Variants in PUDP observed in about 807,000 individuals in gnomAD.
The protein encoded by PUDP is pseudouridine 5'-phosphatase.
A neutral mutation model predicts 9.4 loss-of-function variants in PUDP; 8 were observed. That is an observed-to-expected ratio of 0.85 (90% confidence interval 0.50 to 1.53). PUDP has a LOEUF of 1.53. PUDP is among the 40% of genes most tolerant of loss of function. The probability of loss-of-function intolerance (pLI) is 0.00; values close to 1 mark genes in which losing one functional copy is unlikely to be tolerated. For synonymous variants in PUDP, 99 were observed against 80.7 expected, an observed-to-expected ratio of 1.23 and a Z score of -1.22; for missense variants, 188 against 189.7, an observed-to-expected ratio of 0.99 and a Z score of 0.05.
chrX:6,958,745 CAAA>C (rs138391788), intron 3 of PUDP, among the ~76,000 whole-genome samples: 97 of 60,692 alleles, frequency 1.6e-3, no homozygotes, highest in East Asian at 2.8e-3. Context: ...AATGCCATCT[CAAA>C]AAAAAAAAAA....
chrX:6,743,771 G>A (rs947473620), intron 3 of PUDP, among the ~76,000 whole-genome samples: 1 of 111,780 alleles, frequency 8.9e-6, no homozygotes, highest in Admixed American at 9.5e-5. Flanking sequence ...ATGACAGGGC[G>A]CCAGCAAAGC....
At chrX:6,938,682 G>A (rs757147768) in intron 3 of PUDP, among the ~76,000 whole-genome samples, 1 of 107,920 alleles carries the variant, frequency 9.3e-6, no homozygotes, top group Non-Finnish European at 1.9e-5. Context: ...TAAATCTCAC[G>A]AAAGAGAACA....
At chrX:7,128,651 T>C (rs758090733) in intron 1 of PUDP, among the ~76,000 whole-genome samples, 215 of 111,671 alleles carry the variant, frequency 1.9e-3, no homozygotes, top group Non-Finnish European at 3.5e-3. Context: ...AAATAAGAGA[T>C]GGTCAGGGAC....
chrX:6,837,332 G>C (rs956365899), intron 3 of PUDP, among the ~76,000 whole-genome samples: 4 of 112,654 alleles, frequency 3.6e-5, no homozygotes, highest in African/African-American at 1.3e-4. Flanking sequence ...ACAATGAGAA[G>C]GCAGATTTCT....
chrX:6,940,555 GA>G (rs1928384203), intron 3 of PUDP, among the ~76,000 whole-genome samples: 2 of 111,729 alleles, frequency 1.8e-5, no homozygotes, highest in South Asian at 7.6e-4. Context: ...AGCTGTTCTT[GA>G]AGATAGCGAA....
Position 7,147,562 on chromosome X carries a change from CCATCA to C in PUDP, c.61+486_61+490del, listed in dbSNP as rs778513733. Among the ~76,000 whole-genome samples the C allele has an allele frequency of 2.7e-5, 3 of 112,384 alleles. No individual in the cohort carries two copies. In the East Asian group the frequency reaches 8.5e-4, roughly 32 times the overall value. ...AGAACCGCTACCATGCAGGATGCTA[CCATCA>C]AAGTGCGCCCACAGCAGCAACCTTG... is the stretch of plus-strand genomic sequence containing the variant. On this transcript the variant is annotated intron_variant, in intron 1 of 3. Transcript: ENST00000381077.
intron 1 of PUDP, among the ~76,000 whole-genome samples, chrX:7,107,968 G>A (rs1414757606): frequency 1.8e-5 from 2 of 112,480 alleles, no homozygotes; most frequent in Admixed American, 9.3e-5. Flanking sequence ...CTTGTGAGCC[G>A]CTGCAATGGT....
chrX:6,860,461 G>GTT (rs1257246978), intron 3 of PUDP, among the ~76,000 whole-genome samples: 1 of 95,938 alleles, frequency 1.0e-5, no homozygotes, highest in Non-Finnish European at 2.1e-5. Flanking sequence ...TCTGTGTGTG[G>GTT]TTTTTTGTTT....
intron 3 of PUDP, among the ~76,000 whole-genome samples, chrX:6,761,732 G>A (rs980095617): frequency 5.3e-5 from 6 of 112,202 alleles, no homozygotes; most frequent in Admixed American, 3.8e-4. Context: ...CACAGCAGCC[G>A]CATTGCCTTC....
At chrX:6,833,295 G>A (rs1283941629) in intron 3 of PUDP, among the ~76,000 whole-genome samples, 1 of 111,678 alleles carries the variant, frequency 9.0e-6, no homozygotes, top group Non-Finnish European at 1.9e-5. Context: ...GGGATGGATG[G>A]ATGGGATGGA....
chrX:6,979,401 A>G (rs967973773), intron 1 of PUDP, among the ~76,000 whole-genome samples: 3 of 112,081 alleles, frequency 2.7e-5, no homozygotes, highest in Non-Finnish European at 5.6e-5. Context: ...TGCCGATTAT[A>G]GTGTTCTAGA....
chrX:6,807,628 C>T (rs757112289), intron 3 of PUDP, among the ~76,000 whole-genome samples: 42 of 111,672 alleles, frequency 3.8e-4, no homozygotes, highest in African/African-American at 1.1e-3. Context: ...GGCTTGCCGT[C>T]GGAGGGTGGC....
chrX:7,012,185 T>G (rs1470095889), intron 1 of PUDP, among the ~76,000 whole-genome samples: 1 of 112,116 alleles, frequency 8.9e-6, no homozygotes, highest in Non-Finnish European at 1.9e-5. Context: ...CTTGGTTTCC[T>G]TTGTGAGAAA....
intron 1 of PUDP, among the ~76,000 whole-genome samples, chrX:7,038,887 C>T (rs56352061): frequency 4.2e-3 from 468 of 111,775 alleles, no homozygotes; most frequent in African/African-American, 0.014. Context: ...CATTCATTCA[C>T]TTATGTATGC....
At chrX:6,738,319 G>A (rs766554187) in intron 3 of PUDP, among the ~76,000 whole-genome samples, 3 of 111,319 alleles carry the variant, frequency 2.7e-5, no homozygotes, top group East Asian at 2.8e-4. Context: ...CATGCGTGTC[G>A]ATTTCTGAGA....
intron 1 of PUDP, among the ~76,000 whole-genome samples, chrX:7,042,491 T>C (rs1929935260): frequency 8.9e-6 from 1 of 111,937 alleles, no homozygotes; most frequent in East Asian, 2.8e-4. Context: ...TGGTAAGAAG[T>C]ACTAGAAACA....
At chrX:7,147,640 T>G (rs1004656791) in intron 1 of PUDP, among the ~76,000 whole-genome samples, 1 of 112,103 alleles carries the variant, frequency 8.9e-6, no homozygotes, top group Non-Finnish European at 1.9e-5. Flanking sequence ...ACGGGGAAGC[T>G]GAGGCTGGGC....
intron 3 of PUDP, among the ~76,000 whole-genome samples, chrX:6,822,144 G>A (rs1370270631): frequency 2.7e-5 from 3 of 111,278 alleles, no homozygotes; most frequent in African/African-American, 9.8e-5. Context: ...ACCTCACTCT[G>A]GTGTGACCGC....
chrX:6,957,432 C>T (rs762125708), intron 3 of PUDP, among the ~76,000 whole-genome samples: 7 of 111,324 alleles, frequency 6.3e-5, no homozygotes, highest in Non-Finnish European at 1.1e-4. Flanking sequence ...CTCTCTCTCA[C>T]CTTCTCTTTG....
Sources: allele counts gnomAD v4.1 joint callset (sites outside exome capture counted in the v4.1 genomes callset), GRCh38; gene constraint gnomAD v4.1.1; transcripts MANE v1.5; gene names NCBI Gene and HGNC (gene_info 2026-07-23, HGNC 2026-07-21).